Variants in ATG9B observed in about 807,000 individuals in gnomAD.
ATG9B encodes autophagy-related protein 9B.
ATG9B carries 92 observed loss-of-function variants against 92.9 expected under a neutral mutation model. The ratio of observed to expected loss-of-function variants is 0.99; its 90% CI spans 0.84 to 1.18. The LOEUF is 1.18. Ranked by LOEUF, ATG9B falls within the 50% of genes most tolerant of loss-of-function variation. ATG9B has a pLI of 0.00. For synonymous variants in ATG9B, 599 were observed against 551.4 expected (o/e 1.09, Z -1.21); for missense variants, 1,344 against 1,235.0 (o/e 1.09, Z -1.32).
downstream of ATG9B, chr7:151,013,668 GCTGC>G: frequency 7.0e-7 from 1 of 1,435,244 alleles, no homozygotes; most frequent in Admixed American, 2.1e-5. Flanking sequence ...GCAGCCCCGG[GCTGC>G]GCCCCCGCGC....
At chr7:151,020,974 ATAAAC>A in intron 5 of ATG9B, 2 of 523,748 alleles carry the variant, frequency 3.8e-6, no homozygotes, top group South Asian at 5.3e-5. Context: ...AGCCATCTAA[ATAAAC>A]TAAACTCCCT....
rs758167636 is a variant in ATG9B at position 151,015,976 on chromosome 7, C to A, written c.2695G>T (p.Ala899Ser). 6.3e-5 allele frequency: 97 copies of A among 1,551,544 alleles called. No individual in the cohort carries two copies. Among genetic ancestry groups the A allele is most frequent in the Non-Finnish European group, 7.9e-5 (91 of 1,146,984 alleles). Residue 899 changes from alanine (A) to serine (S), a missense_variant, in exon 13 of 14, where the codon GCC becomes TCC. Transcript: ENST00000639579. ...AACCCTCCGGGGAACAGATTCCGGG[C>A]CTTCTGGGTTCCCCACTGTTGTCTG... The part of the protein sequence containing the change: ...SPRQQWGTQK[A>S]RNLFPGGFQV...
downstream of ATG9B, chr7:151,013,017 C>G (rs1012932052): frequency 1.2e-5 from 7 of 567,822 alleles, no homozygotes; most frequent in African/African-American, 1.2e-4. Context: ...CAGGGGCCAC[C>G]ACCTCACCCG....
chr7:151,016,873 G>A (rs1283398221), intron 9 of ATG9B, 52 bp from the exon 10 acceptor site: 1 of 1,568,700 alleles, frequency 6.4e-7, no homozygotes, highest in South Asian at 1.2e-5. Context: ...AGAGAGGACA[G>A]AAACGGAGTA....
intron 5 of ATG9B, chr7:151,020,848 C>A: frequency 4.2e-6 from 1 of 238,542 alleles, no homozygotes; most frequent in Non-Finnish European, 8.3e-6. Flanking sequence ...TCCTGTCCTG[C>A]CCTTCCGAAG....
In ATG9B at chr7:151,016,110, G is replaced by T; in HGVS notation, c.2646C>A (p.Asp882Glu). 1 of 1,537,290 alleles carries T rather than the reference G, an allele frequency of 6.5e-7. No homozygotes were observed. The highest frequency in any genetic ancestry group is 8.8e-7 in the Non-Finnish European group (1 of 1,138,728). ...PDEEKPSWSS[D>E]GSSPASSPRQ... ...CCCTGCAGGCCCCACCCTCCTCACC[G>T]TCACTTGACCAGGATGGCTTCTCCT... Residue 882 changes from aspartate to glutamate, a missense_variant and splice_region_variant, in exon 12 of 14, where the codon GAC becomes GAA. By Grantham distance (45) the Asp-to-Glu change is conservative. Transcript: ENST00000639579.
chr7:151,012,943 T>G, downstream of ATG9B: 1 of 464,748 alleles, frequency 2.2e-6, no homozygotes, highest in Non-Finnish European at 3.8e-6. Context: ...GGGACTGCGA[T>G]GTCACACAAT....
Position 151,015,921 on chromosome 7 carries a change from G to A in ATG9B, c.2750C>T (p.Pro917Leu), listed in dbSNP as rs771728228. 1.3e-4 allele frequency: 203 copies of A among 1,551,594 alleles called. 1 individual carries two copies. Among genetic ancestry groups the A allele is most frequent in the Non-Finnish European group, 1.7e-4 (194 of 1,146,994 alleles). The change falls in exon 13 of 14, where the codon CCT (proline) becomes CTT (leucine). Residue 917 changes from proline (P) to leucine (L), a missense_variant. Physicochemically the swap from Pro to Leu is moderately conservative, Grantham distance 98 (BLOSUM62 -3). Coordinates refer to ENST00000639579, the MANE Select transcript of ATG9B (RefSeq NM_001317056.2). The part of the protein sequence containing the change: ...FQVTTDTQKE[P>L]DRASCTD ...TCAGTCAGTGCAAGAGGCCCGGTCA[G>A]GCTCCTTCTGGGTGTCTGTGGTCAC...
rs1251708047 is a variant in ATG9B at position 151,017,731 on chromosome 7, G to A, written c.2052+140C>T. The A allele has an allele frequency of 4.1e-5, 44 of 1,070,138 alleles. No homozygotes were observed. In the Admixed American group the frequency reaches 7.1e-4, roughly 17 times the overall value. 66.3% of individuals were successfully genotyped at this position (1,070,138 alleles called of 1,614,324 possible). On this transcript the variant is annotated intron_variant, in intron 8 of 13. Coordinates refer to ENST00000639579, the MANE Select transcript of ATG9B (RefSeq NM_001317056.2). ...GTTGCCATCTGACAGACGAGGGCAC[G>A]AGAGCACAGGAAGGGAAGTGACCCG...
Position 151,019,350 on chromosome 7 carries a change from C to T in ATG9B, c.988G>A (p.Ala330Thr). ...GCCAAGAGGCGGGACTGCACCTCTG[C>T]CCAGGGAACCGAGCTCAGCTCCTCC... ...PPEELSSVPW[A>T]EVQSRLLALQ... is the part of the protein sequence containing the mutation. Residue 330 changes from alanine (A) to threonine (T), a missense_variant, in exon 6 of 14, where the codon GCA (alanine) becomes ACA (threonine). Transcript: ENST00000639579. 1 of 1,530,808 alleles carries T rather than the reference C, an allele frequency of 6.5e-7. No homozygotes were observed. Among genetic ancestry groups the T allele is most frequent in the Non-Finnish European group, 8.7e-7 (1 of 1,146,152 alleles). 94.8% of individuals were successfully genotyped at this position (1,530,808 alleles called of 1,614,324 possible). A position where few individuals can be genotyped will look rare whatever the true frequency, so the allele number is the denominator to read the frequency against.
downstream of ATG9B, chr7:151,012,211 G>GTGTT: frequency 1.4e-6 from 1 of 689,922 alleles, no homozygotes; most frequent in Non-Finnish European, 2.3e-6. Flanking sequence ...AAGTAGAGTT[G>GTGTT]TTTTTTGTTT....
chr7:151,016,744 T>C lies in ATG9B; in HGVS notation c.2367A>G (p.Pro789=). 6.2e-7 allele frequency: 1 copy of C among 1,612,056 alleles called. No individual in the cohort carries two copies. Among genetic ancestry groups the C allele is most frequent in the South Asian group, 1.1e-5 (1 of 90,728 alleles). The change falls in exon 10 of 14, where the codon CCA becomes CCG. Residue 789 remains proline (P), a synonymous_variant. Transcript: ENST00000639579. ...PRDLSPTAPC[P]AAATASLLAS... ...CAAGGAGGCTGGCTGTGGCCGCAGC[T>C]GGACAGGGGGCTGTCGGGCTCAGAT...
At chr7:151,021,716 C>A (rs1173064933) in intron 4 of ATG9B, among the ~76,000 whole-genome samples, 1 of 150,248 alleles carries the variant, frequency 6.7e-6, no homozygotes, top group African/African-American at 2.5e-5. Flanking sequence ...GTGGCGCAAT[C>A]TTGGCTCACT....
downstream of ATG9B, chr7:151,013,715 G>A (rs1255879757): frequency 2.4e-5 from 34 of 1,404,092 alleles, no homozygotes; most frequent in Non-Finnish European, 3.2e-5. Flanking sequence ...TAACCCCGCC[G>A]CCCCGCAGAC....
downstream of ATG9B, chr7:151,013,982 T>C: frequency 6.2e-6 from 10 of 1,608,846 alleles, no homozygotes; most frequent in Non-Finnish European, 7.7e-6. Flanking sequence ...AGTCGGGTTC[T>C]GATCCACTGT....
chr7:151,023,429 G>C lies in ATG9B; in HGVS notation c.659+16C>G. Reference sequence around the variant, plus strand: ...GCCCAGGGGACCGAGTTCCGGGCCCGGGCTAAGCGTCTCACCCCAGCTGGA... The same window carrying C: ...GCCCAGGGGACCGAGTTCCGGGCCCCGGCTAAGCGTCTCACCCCAGCTGGA... On this transcript the variant is annotated intron_variant, in intron 3 of 13. Transcript: ENST00000639579. 6.2e-7 allele frequency: 1 copy of C among 1,612,462 alleles called. No homozygotes were observed. Among genetic ancestry groups the C allele is most frequent in the Non-Finnish European group, 8.5e-7 (1 of 1,179,388 alleles).
Position 151,023,094 on chromosome 7 carries a change from T to A in ATG9B, c.772A>T (p.Lys258Ter). 1 of 1,614,188 alleles carries A rather than the reference T, an allele frequency of 6.2e-7. No individual in the cohort carries two copies. Among genetic ancestry groups the A allele is most frequent in the Non-Finnish European group, 8.5e-7 (1 of 1,180,030 alleles). Residue 258 changes from lysine to a stop codon, truncating the protein, a stop_gained, in exon 4 of 14, where the codon AAA becomes TAA. Transcript: ENST00000639579. LOFTEE classifies it high-confidence loss of function. Reference sequence around the variant, plus strand: ...AGGATGGCATCTGACAGGGTCACTTTGCTGTGGAACGGCCCAGGTCTGGTA... The same window carrying A: ...AGGATGGCATCTGACAGGGTCACTTAGCTGTGGAACGGCCCAGGTCTGGTA... ...NHTRPGPFHSKVTLSDAILPS... is the reference protein window; with the variant it reads ...NHTRPGPFHS
Position 151,016,157 on chromosome 7 carries a change from A to G in ATG9B, c.2599T>C (p.Ser867Pro). ...TCCTCATCAGGCGAGGGTGGCTGTGAGGGGCTGGAGCAGGGCCTGGACAGG... is the reference window on the plus strand; with the variant it reads ...TCCTCATCAGGCGAGGGTGGCTGTGGGGGGCTGGAGCAGGGCCTGGACAGG... The part of the protein sequence containing the change: ...SILSRPCSSP[S>P]QPPSPDEEKP... The change falls in exon 12 of 14, where the codon TCA (serine) becomes CCA (proline). Residue 867 changes from serine (S) to proline (P), a missense_variant. By Grantham distance (74) the Ser-to-Pro change is moderately conservative. Transcript: ENST00000639579. 6.5e-7 allele frequency: 1 copy of G among 1,539,890 alleles called. No homozygotes were observed. The highest frequency in any genetic ancestry group is 8.8e-7 in the Non-Finnish European group (1 of 1,140,160).
At position 151,023,942 on chromosome 7, in the gene ATG9B, C is replaced by T. The variant is rs745983955; in HGVS notation, c.482G>A (p.Gly161Glu). 1.3e-6 allele frequency: 2 copies of T among 1,590,830 alleles called. No homozygotes were observed. Among genetic ancestry groups the T allele is most frequent in the African/African-American group, 1.3e-5 (1 of 74,390 alleles). ...YERLEDCDPE[G>E]SQDSPIHGEE... The stretch of plus-strand genomic sequence containing the variant: ...CCCGTGGATGGGTGAGTCTTGGGAC[C>T]CCTCAGGGTCACAGTCCTCCAGCCG... The change falls in exon 1 of 14, where the codon GGG becomes GAG. Residue 161 changes from glycine to glutamate, a missense_variant. By Grantham distance (98) the Gly-to-Glu change is moderately conservative (BLOSUM62 -2). Coordinates refer to ENST00000639579, the MANE Select transcript of ATG9B (RefSeq NM_001317056.2).
Sources: allele counts gnomAD v4.1 joint callset (sites outside exome capture counted in the v4.1 genomes callset), GRCh38; gene constraint gnomAD v4.1.1; transcripts MANE v1.5; gene names NCBI Gene and HGNC (gene_info 2026-07-23, HGNC 2026-07-21).